Variants in STX12 observed in about 807,000 individuals in gnomAD.
The protein encoded by STX12 is syntaxin-12.
In STX12, 17 loss-of-function variants were observed where a neutral mutation model predicts 42.2. That is an observed-to-expected ratio of 0.40 (90% CI 0.28 to 0.60). The LOEUF (loss-of-function observed/expected upper bound fraction) is 0.60. STX12 is among the 20% of genes least tolerant of loss of function. STX12 has a pLI of 0.39. For synonymous variants in STX12, 108 were observed against 116.7 expected, an observed-to-expected ratio of 0.93 and a Z score of 0.48; for missense variants, 297 against 330.9, an observed-to-expected ratio of 0.90 and a Z score of 0.79.
chr1:27,775,780 G>C lies in STX12; in HGVS notation c.118+2355G>C, dbSNP rs150550497. 6.0e-4 allele frequency among the ~76,000 whole-genome samples: 91 copies of C among 152,298 alleles called. 2 individuals carry two copies. In the East Asian group the frequency reaches 0.016, roughly 27 times the overall value. ...GGCATTTGAGTTATGTCTGGAAAGA[G>C]GATGGAAAGATTTGGACCTTCGAAG... is the stretch of plus-strand genomic sequence containing the variant. On this transcript the variant is annotated intron_variant, in intron 1 of 8. Transcript: ENST00000373943.
chr1:27,808,001 C>T (rs2088875637), intron 4 of STX12, among the ~76,000 whole-genome samples: 1 of 152,054 alleles, frequency 6.6e-6, no homozygotes, highest in Non-Finnish European at 1.5e-5. Context: ...AAGAATATAG[C>T]TCACTATTCT....
chr1:27,801,857 G>A (rs368791426), intron 4 of STX12, 42 bp downstream of exon 4: 1 of 1,546,992 alleles, frequency 6.5e-7, no homozygotes, highest in Non-Finnish European at 8.6e-7. Context: ...ATATCAGAAT[G>A]TTCTTTTCCA....
At chr1:27,800,675 C>T (rs528177443) in intron 3 of STX12, among the ~76,000 whole-genome samples, 83 of 151,980 alleles carry the variant, frequency 5.5e-4, no homozygotes, top group African/African-American at 1.8e-3. Flanking sequence ...TGTACCACCA[C>T]GCCCGGCTAA....
intron 3 of STX12, among the ~76,000 whole-genome samples, chr1:27,798,276 A>AGGC (rs2088800307): frequency 6.6e-6 from 1 of 152,116 alleles, no homozygotes; most frequent in Non-Finnish European, 1.5e-5. Flanking sequence ...CACACCTGTA[A>AGGC]TCCCAGAACT....
intron 1 of STX12, among the ~76,000 whole-genome samples, chr1:27,774,702 CAG>C (rs2088617091): frequency 6.6e-6 from 1 of 151,858 alleles, no homozygotes. Context: ...TTTTTCGAGA[CAG>C]AGTCTACTTC....
chr1:27,797,875 AACACACACACACACAC>A (rs61106135), intron 3 of STX12, among the ~76,000 whole-genome samples: 1 of 143,112 alleles, frequency 7.0e-6, no homozygotes, highest in African/African-American at 2.6e-5. Context: ...TCTGAAGGTA[AACACACACACACACAC>A]ACACACACAC....
intron 1 of STX12, among the ~76,000 whole-genome samples, chr1:27,788,073 G>A (rs998416269): frequency 1.3e-5 from 2 of 152,174 alleles, no homozygotes; most frequent in Non-Finnish European, 2.9e-5. Flanking sequence ...ATGGCTGGAA[G>A]AGCCTTATAC....
intron 3 of STX12, among the ~76,000 whole-genome samples, chr1:27,796,903 C>T (rs916103250): frequency 8.6e-5 from 13 of 152,012 alleles, no homozygotes; most frequent in Non-Finnish European, 1.8e-4. Flanking sequence ...TGGGGTTTCT[C>T]CATGTTGGTC....
chr1:27,801,001 C>T (rs1163011087), intron 3 of STX12, among the ~76,000 whole-genome samples: 10 of 152,158 alleles, frequency 6.6e-5, no homozygotes, highest in Non-Finnish European at 1.3e-4. Flanking sequence ...TTAGCTAAAA[C>T]CCATCTCTGT....
intron 3 of STX12, among the ~76,000 whole-genome samples, chr1:27,795,282 A>G (rs1037876350): frequency 2.0e-5 from 3 of 151,860 alleles, no homozygotes; most frequent in African/African-American, 7.3e-5. Context: ...ATGTGTATGT[A>G]TGGATGGATC....
chr1:27,814,577 G>A (rs180721314), intron 6 of STX12, among the ~76,000 whole-genome samples: 9 of 151,200 alleles, frequency 6.0e-5, no homozygotes, highest in African/African-American at 9.7e-5. Flanking sequence ...AGCCGGGCGC[G>A]GTGGCTCATG....
chr1:27,775,066 T>C (rs746311460), intron 1 of STX12, among the ~76,000 whole-genome samples: 19 of 152,224 alleles, frequency 1.2e-4, no homozygotes, highest in Non-Finnish European at 2.6e-4. Context: ...TCCAGTTTCC[T>C]TTTGTGAAGG....
Position 27,801,722 on chromosome 1 carries a change from T to C in STX12, c.333T>C (p.Ser111=). The C allele has an allele frequency of 6.3e-7, 1 of 1,587,382 alleles. No individual in the cohort carries two copies. The highest frequency in any genetic ancestry group is 8.5e-7 in the Non-Finnish European group (1 of 1,171,024). ...AGGAACGCCTCATGAATGACTTCTCTGCAGCCTTAAACAATTTCCAGGCTG... is the reference window on the plus strand; with the variant it reads ...AGGAACGCCTCATGAATGACTTCTCCGCAGCCTTAAACAATTTCCAGGCTG... ...LQKERLMNDF[S]AALNNFQAVQ... is the part of the protein sequence containing the mutation. Residue 111 remains serine, a synonymous_variant, in exon 4 of 9, where the codon TCT becomes TCC. Coordinates refer to ENST00000373943, the MANE Select transcript of STX12 (RefSeq NM_177424.3).
intron 1 of STX12, among the ~76,000 whole-genome samples, chr1:27,776,313 A>C (rs1011323966): frequency 3.9e-5 from 6 of 152,260 alleles, no homozygotes; most frequent in African/African-American, 1.4e-4. Flanking sequence ...ATTAGGAAAC[A>C]AACTAAGAAA....
rs2088606935 is a variant in STX12, at chr1:27,773,245, C to T, written c.-63C>T. 2.7e-6 allele frequency: 3 copies of T among 1,126,618 alleles called. No individual in the cohort carries two copies. The highest frequency in any genetic ancestry group is 3.9e-6 in the Non-Finnish European group (3 of 767,124). 69.8% of individuals were successfully genotyped at this position (1,126,618 alleles called of 1,614,324 possible). On this transcript the variant is annotated 5_prime_UTR_variant, in exon 1 of 9. Coordinates refer to ENST00000373943, the MANE Select transcript of STX12 (RefSeq NM_177424.3). Reference sequence around the variant, plus strand: ...CCAGTTTCTCCGTCAGCCTGCGGGTCCCGGCTGGCGGCTGCTTCCGGTAGG... The same window carrying T: ...CCAGTTTCTCCGTCAGCCTGCGGGTTCCGGCTGGCGGCTGCTTCCGGTAGG...
At chr1:27,778,102 C>G (rs1003526530) in intron 1 of STX12, among the ~76,000 whole-genome samples, 1 of 152,148 alleles carries the variant, frequency 6.6e-6, no homozygotes, top group African/African-American at 2.4e-5. Context: ...CCTGCAAGGA[C>G]TTGTACCCAT....
At chr1:27,791,425 G>C (rs1307522346) in intron 2 of STX12, among the ~76,000 whole-genome samples, 1 of 152,190 alleles carries the variant, frequency 6.6e-6, no homozygotes, top group Non-Finnish European at 1.5e-5. Context: ...GGAGCCTGAG[G>C]GAGAGAATAG....
intron 3 of STX12, among the ~76,000 whole-genome samples, chr1:27,796,154 C>T (rs754865733): frequency 6.6e-6 from 1 of 152,210 alleles, no homozygotes; most frequent in Non-Finnish European, 1.5e-5. Flanking sequence ...ACTAGATCTA[C>T]AAACATACTC....
intron 6 of STX12, among the ~76,000 whole-genome samples, chr1:27,814,125 G>A (rs2088922651): frequency 6.6e-6 from 1 of 152,100 alleles, no homozygotes. Context: ...GGTCTTGTCT[G>A]TTTTTAGATG....
Sources: allele counts gnomAD v4.1 joint callset (sites outside exome capture counted in the v4.1 genomes callset), GRCh38; gene constraint gnomAD v4.1.1; transcripts MANE v1.5; gene names NCBI Gene and HGNC (gene_info 2026-07-23, HGNC 2026-07-21).